The following MYCBP2 variants were observed in gnomAD, a reference collection of about 807,000 sequenced individuals.
MYCBP2 encodes the protein MYC binding protein 2, also known as E3 ubiquitin-protein ligase MYCBP2.
Under a neutral mutation model 525.3 loss-of-function variants are expected in MYCBP2, and 120 were observed. The observed-to-expected ratio is 0.23, with a 90% confidence interval of 0.20 to 0.27. The LOEUF (loss-of-function observed/expected upper bound fraction) is 0.27, where lower values mean the gene tolerates loss of function less well. Among genes scored for constraint, MYCBP2 ranks in the 10% least tolerant of loss-of-function variants. The pLI, the probability that MYCBP2 is intolerant of heterozygous loss-of-function variation, is 1.00. For synonymous variants in MYCBP2, 1,894 were observed against 1,955.8 expected, an observed-to-expected ratio of 0.97 and a Z score of 0.83; for missense variants, 4,149 against 5,657.1, an observed-to-expected ratio of 0.73 and a Z score of 8.55.
At chr13:77,223,183 C>T (rs535060983) in intron 20 of MYCBP2, among the ~76,000 whole-genome samples, 2 of 152,278 alleles carry the variant, frequency 1.3e-5, no homozygotes, top group South Asian at 2.1e-4. Flanking sequence ...TGCACGAGGA[C>T]ATTCGTCCCC....
intron 17 of MYCBP2, among the ~76,000 whole-genome samples, chr13:77,239,661 C>T (rs2154311442): frequency 6.6e-6 from 1 of 152,212 alleles, no homozygotes; most frequent in South Asian, 2.1e-4. Context: ...GCTGTACTCC[C>T]CCAGTTTTTT....
intron 47 of MYCBP2, among the ~76,000 whole-genome samples, chr13:77,146,504 A>G (rs2055587441): frequency 6.6e-6 from 1 of 152,082 alleles, no homozygotes; most frequent in African/African-American, 2.4e-5. Context: ...AATACTATAC[A>G]GAAAGGAAAA....
At chr13:77,116,071 A>T (rs1001055336) in intron 55 of MYCBP2, among the ~76,000 whole-genome samples, 3 of 151,838 alleles carry the variant, frequency 2.0e-5, no homozygotes, top group Non-Finnish European at 4.4e-5. Flanking sequence ...TTCTGGGGCA[A>T]ATCATTTATC....
At chr13:77,186,463 T>C (rs1157537598) in intron 30 of MYCBP2, among the ~76,000 whole-genome samples, 1 of 152,124 alleles carries the variant, frequency 6.6e-6, no homozygotes. Context: ...GTCACTGTAG[T>C]AAAAAATAAA....
Position 77,087,510 on chromosome 13 carries a change from T to TACA in MYCBP2, c.10848_10849insTGT (p.Asn3616_Lys3617insCys). ...TGTTCTGAATTTTCTTTGCTTGTTT[T>TACA]ATTTTCTTCATCCTCTTCTTCCTCT... On this transcript the variant is annotated inframe_insertion, in exon 62 of 83. Coordinates refer to ENST00000544440, the MANE Select transcript of MYCBP2 (RefSeq NM_015057.5). The TACA allele has an allele frequency of 1.9e-6, 3 of 1,612,258 alleles. No individual in the cohort carries two copies. The highest frequency in any genetic ancestry group is 2.5e-6 in the Non-Finnish European group (3 of 1,179,104).
intron 46 of MYCBP2, among the ~76,000 whole-genome samples, chr13:77,152,807 T>C (rs923892648): frequency 2.0e-5 from 3 of 152,164 alleles, no homozygotes; most frequent in Non-Finnish European, 4.4e-5. Context: ...GGCTCACGCC[T>C]GTAATCCCAG....
At chr13:77,059,476 A>C (rs760745916) in intron 77 of MYCBP2, 47 bp downstream of exon 77, 2 of 1,390,820 alleles carry the variant, frequency 1.4e-6, no homozygotes, top group South Asian at 2.3e-5. Flanking sequence ...TAAAGGTGTC[A>C]CAGGGGAACA....
intron 41 of MYCBP2, among the ~76,000 whole-genome samples, chr13:77,165,751 T>C (rs1396702953): frequency 6.6e-6 from 1 of 152,200 alleles, no homozygotes; most frequent in Admixed American, 6.5e-5. Flanking sequence ...CCCTGGAGTG[T>C]GGCTTTTTCT....
At chr13:77,313,946 AAAC>A (rs2080591594) in intron 1 of MYCBP2, among the ~76,000 whole-genome samples, 1 of 152,170 alleles carries the variant, frequency 6.6e-6, no homozygotes, top group Non-Finnish European at 1.5e-5. Flanking sequence ...TGAAAAAAAA[AAAC>A]GAGATTCTAC....
chr13:77,285,939 A>C, intron 3 of MYCBP2, among the ~76,000 whole-genome samples: 1 of 152,000 alleles, frequency 6.6e-6, no homozygotes, highest in South Asian at 2.1e-4. Context: ...CTATTAGAGT[A>C]GGTACAGTTA....
At chr13:77,309,066 G>C (rs1259808198) in intron 1 of MYCBP2, among the ~76,000 whole-genome samples, 1 of 152,176 alleles carries the variant, frequency 6.6e-6, no homozygotes, top group Non-Finnish European at 1.5e-5. Context: ...ATCTCCTACA[G>C]GTTATCTAAT....
chr13:77,100,525 G>C (rs1406792101), intron 55 of MYCBP2: 2 of 151,948 alleles, frequency 1.3e-5, no homozygotes, highest in Non-Finnish European at 2.9e-5. Context: ...GGCTCCCAAG[G>C]CCACAGGACA....
intron 52 of MYCBP2, among the ~76,000 whole-genome samples, chr13:77,134,931 T>C (rs1221465390): frequency 1.3e-5 from 2 of 152,220 alleles, no homozygotes; most frequent in Non-Finnish European, 2.9e-5. Flanking sequence ...CAAGACAGCA[T>C]GACAAGATCA....
Position 77,070,682 on chromosome 13 carries a change from A to G in MYCBP2, c.11853T>C (p.His3951=), listed in dbSNP as rs140315999. ...TCCTGCTGAATATGATTCCAACCAT[A>G]TGTTCTTTCAGGTCAGCATCTGATG... ...NATSDADLKE[H]MVGIIFSRSK... The change falls in exon 69 of 83, where the codon CAT becomes CAC. Residue 3951 remains histidine, a synonymous_variant. Transcript: ENST00000544440. The G allele has an allele frequency of 8.1e-6, 13 of 1,608,180 alleles. No homozygotes were observed. The African/African-American group carries it at 1.6e-4, about 20-fold the overall frequency.
intron 53 of MYCBP2, 23 bp downstream of exon 53, chr13:77,126,295 C>A: frequency 4.4e-6 from 7 of 1,595,284 alleles, no homozygotes; most frequent in South Asian, 2.2e-5. Context: ...TCTTAGAAGT[C>A]ATGAAGCTAC....
At chr13:77,280,979 A>C (rs1309879466) in intron 3 of MYCBP2, among the ~76,000 whole-genome samples, 2 of 152,242 alleles carry the variant, frequency 1.3e-5, no homozygotes, top group Non-Finnish European at 2.9e-5. Flanking sequence ...ACTATTAAAG[A>C]ATTTTTAATA....
rs538657695 is a variant in MYCBP2 at position 77,131,773 on chromosome 13, A to T, written c.7660-5231T>A. The stretch of plus-strand genomic sequence containing the variant: ...TCAAATACTATTTTAAAGGCAGAAA[A>T]GTTCTGTCAAGAAAATTAGAAAATT... On this transcript the variant is annotated intron_variant, in intron 52 of 82. Transcript: ENST00000544440. Among the ~76,000 whole-genome samples the T allele has an allele frequency of 3.3e-4, 50 of 152,302 alleles. 1 individual carries two copies. Among genetic ancestry groups the T allele is most frequent in the African/African-American group, 1.0e-3 (43 of 41,564 alleles).
chr13:77,185,411 C>A, intron 31 of MYCBP2, 34 bp from the exon 32 acceptor site: 4 of 1,583,064 alleles, frequency 2.5e-6, no homozygotes, highest in Non-Finnish European at 3.4e-6. Flanking sequence ...GGTAATTAAG[C>A]AAAATATTAA....
chr13:77,153,989 T>C (rs2056888583), intron 46 of MYCBP2, among the ~76,000 whole-genome samples: 1 of 152,222 alleles, frequency 6.6e-6, no homozygotes, highest in Non-Finnish European at 1.5e-5. Context: ...TTGTTGCTTT[T>C]GAAAGCATTT....
Sources: gnomAD v4.1 joint callset for allele counts (sites outside exome capture counted in the v4.1 genomes callset) on GRCh38, gnomAD v4.1.1 for gene constraint, MANE v1.5 for transcripts, NCBI Gene and HGNC (gene_info 2026-07-23, HGNC 2026-07-21) for gene names.